Variants in RAD54L2 observed in about 807,000 individuals in gnomAD.
RAD54L2 encodes the protein RAD54 like 2, also known as helicase ARIP4.
In RAD54L2, 27 loss-of-function variants were observed where a neutral mutation model predicts 138.4. The ratio of observed to expected loss-of-function variants is 0.20; its 90% confidence interval spans 0.14 to 0.27. The LOEUF (loss-of-function observed/expected upper bound fraction) is 0.27, where lower values mean the gene tolerates loss of function less well. Ranked by LOEUF, RAD54L2 falls within the 10% of genes least tolerant of loss-of-function variation. RAD54L2 has a pLI of 1.00. For missense variants in RAD54L2, 1,396 were observed against 1,890.2 expected (o/e 0.74, Z 4.85); for synonymous variants, 644 against 723.2 (o/e 0.89, Z 1.76).
intron 3 of RAD54L2, among the ~76,000 whole-genome samples, 183 bp from the exon 4 acceptor site, chr3:51,627,370 G>A (rs1019264506): frequency 6.6e-6 from 1 of 152,164 alleles, no homozygotes; most frequent in Non-Finnish European, 1.5e-5. Flanking sequence ...TAGCTCTGAG[G>A]TATGGGCCTC....
In RAD54L2 at chr3:51,538,835, CTT is replaced by C. The variant is rs1698478227; in HGVS notation, c.-195_-194del. ...CCGCCCCCGCCTCCGCCGCCGCAGA[CTT>C]TGCCTAGGCGGGCGAAGCTGAACGT... On this transcript the variant is annotated 5_prime_UTR_variant, in exon 1 of 23. Transcript: ENST00000684192. 6.6e-6 allele frequency among the ~76,000 whole-genome samples: 1 copy of C among 152,022 alleles called. No individual in the cohort carries two copies. The highest frequency in any genetic ancestry group is 2.4e-5 in the African/African-American group (1 of 41,442).
intron 2 of RAD54L2, among the ~76,000 whole-genome samples, chr3:51,578,285 C>G (rs2106682011): frequency 6.6e-6 from 1 of 152,246 alleles, no homozygotes. Context: ...TCTTCTAATT[C>G]TCATTCTGAT....
chr3:51,599,817 A>G (rs931308583), intron 3 of RAD54L2, among the ~76,000 whole-genome samples: 3 of 151,924 alleles, frequency 2.0e-5, no homozygotes, highest in Non-Finnish European at 4.4e-5. Flanking sequence ...GGGATTTCAC[A>G]ATGTTGACCG....
chr3:51,609,478 G>A (rs913268414), intron 3 of RAD54L2, among the ~76,000 whole-genome samples: 1 of 152,176 alleles, frequency 6.6e-6, no homozygotes, highest in African/African-American at 2.4e-5. Context: ...AGGTTCTGAA[G>A]GGATCATTTA....
intron 3 of RAD54L2, among the ~76,000 whole-genome samples, chr3:51,619,504 T>C (rs1700521253): frequency 1.3e-5 from 2 of 151,842 alleles, no homozygotes; most frequent in Admixed American, 6.6e-5. Context: ...TTTTTTTTTT[T>C]CCAGTTTCCT....
intron 19 of RAD54L2, among the ~76,000 whole-genome samples, chr3:51,648,522 C>T (rs1031719842): frequency 2.0e-4 from 30 of 152,346 alleles, no homozygotes; most frequent in Non-Finnish European, 3.5e-4. Flanking sequence ...CCCCATGTAG[C>T]CTAACTGGGA....
chr3:51,650,102 A>C (rs747795896), intron 19 of RAD54L2, among the ~76,000 whole-genome samples: 13 of 152,216 alleles, frequency 8.5e-5, no homozygotes, highest in Non-Finnish European at 1.9e-4. Flanking sequence ...CCTGCCAAGC[A>C]AATGGAAAGT....
intron 2 of RAD54L2, among the ~76,000 whole-genome samples, chr3:51,562,085 G>T (rs912388452): frequency 6.6e-6 from 1 of 151,610 alleles, no homozygotes; most frequent in Non-Finnish European, 1.5e-5. Flanking sequence ...GCCCAGGCTG[G>T]AGTGCAGTGG....
At chr3:51,576,003 T>A (rs1236940999) in intron 2 of RAD54L2, among the ~76,000 whole-genome samples, 1 of 152,194 alleles carries the variant, frequency 6.6e-6, no homozygotes, top group Non-Finnish European at 1.5e-5. Context: ...ATAACTCTTA[T>A]TATTTTGAGA....
rs1317347090 is a variant in RAD54L2, at chr3:51,663,790, G to A, written c.*370G>A. ...TTTGGGAACATTCTTTCCCAAGAGAGCTGCCTTACTAGGTGACTTAGCTTG... is the reference window on the plus strand; with the variant it reads ...TTTGGGAACATTCTTTCCCAAGAGAACTGCCTTACTAGGTGACTTAGCTTG... On this transcript the variant is annotated 3_prime_UTR_variant, in exon 23 of 23. Transcript: ENST00000684192. The A allele has an allele frequency of 5.4e-6, 1 of 183,714 alleles. No homozygotes were observed. The highest frequency in any genetic ancestry group is 1.1e-5 in the Non-Finnish European group (1 of 88,446). 11.4% of individuals were successfully genotyped at this position (183,714 alleles called of 1,614,324 possible).
At chr3:51,609,822 C>T (rs1222203395) in intron 3 of RAD54L2, among the ~76,000 whole-genome samples, 1 of 151,694 alleles carries the variant, frequency 6.6e-6, no homozygotes, top group Non-Finnish European at 1.5e-5. Context: ...TTCTCTTTGC[C>T]CATTCCTTCT....
intron 3 of RAD54L2, among the ~76,000 whole-genome samples, chr3:51,591,247 T>A (rs1577408208): frequency 6.6e-6 from 1 of 152,194 alleles, no homozygotes; most frequent in Admixed American, 6.5e-5. Context: ...TTAGGTTATT[T>A]GGCCAGCCAC....
intron 2 of RAD54L2, among the ~76,000 whole-genome samples, chr3:51,566,110 G>C (rs549410689): frequency 6.6e-6 from 1 of 152,164 alleles, no homozygotes; most frequent in African/African-American, 2.4e-5. Flanking sequence ...TTATAGGCGT[G>C]AGCCACTGCG....
At chr3:51,561,479 A>T (rs1315160678) in intron 2 of RAD54L2, among the ~76,000 whole-genome samples, 2 of 152,066 alleles carry the variant, frequency 1.3e-5, no homozygotes, top group Non-Finnish European at 2.9e-5. Flanking sequence ...TCCTGACCTC[A>T]GGTGATCTGC....
At position 51,665,762 on chromosome 3, in the gene RAD54L2, C is replaced by T. The variant is rs1007469807; in HGVS notation, c.*2342C>T. ...GAACCTGGGTTACACTGATGCCTCT[C>T]AGGCCCTGGAGCACTGGGATCCCAG... On this transcript the variant is annotated 3_prime_UTR_variant, in exon 23 of 23. Coordinates refer to ENST00000684192, the MANE Select transcript of RAD54L2 (RefSeq NM_015106.4). 6 of 152,148 alleles carry T rather than the reference C, an allele frequency of 3.9e-5. No individual in the cohort carries two copies. Among genetic ancestry groups the T allele is most frequent in the African/African-American group, 1.4e-4 (6 of 41,408 alleles). 9.4% of individuals were successfully genotyped at this position (152,148 alleles called of 1,614,324 possible). A position where few individuals can be genotyped will look rare whatever the true frequency, so the allele number is the denominator to read the frequency against.
intron 3 of RAD54L2, among the ~76,000 whole-genome samples, chr3:51,594,942 G>A (rs1699929379): frequency 8.1e-6 from 1 of 123,546 alleles, no homozygotes; most frequent in Admixed American, 1.1e-4. Context: ...TTGGCTCACT[G>A]CAACCTTCAC....
intron 3 of RAD54L2, among the ~76,000 whole-genome samples, chr3:51,619,278 C>T (rs570015838): frequency 6.6e-6 from 1 of 152,234 alleles, no homozygotes; most frequent in East Asian, 1.9e-4. Flanking sequence ...AGGCCGGTCT[C>T]GAACTCCTGA....
chr3:51,615,176 G>C (rs1255004827), intron 3 of RAD54L2, among the ~76,000 whole-genome samples: 2 of 152,012 alleles, frequency 1.3e-5, no homozygotes, highest in Non-Finnish European at 2.9e-5. Flanking sequence ...ACCATGCCTG[G>C]CTAATTTTTT....
intron 2 of RAD54L2, among the ~76,000 whole-genome samples, chr3:51,573,690 G>A (rs565012783): frequency 3.9e-5 from 6 of 152,042 alleles, no homozygotes; most frequent in East Asian, 3.9e-4. Context: ...CGCTGGTCTC[G>A]AACTCCTGAC....
Sources: allele counts gnomAD v4.1 joint callset (sites outside exome capture counted in the v4.1 genomes callset), GRCh38; gene constraint gnomAD v4.1.1; transcripts MANE v1.5; gene names NCBI Gene and HGNC (gene_info 2026-07-23, HGNC 2026-07-21).